Variants in ARFGEF2 observed in about 807,000 individuals in gnomAD.
ARFGEF2 encodes ARF guanine nucleotide exchange factor 2, also known as brefeldin A-inhibited guanine nucleotide-exchange protein 2.
In ARFGEF2, 74 loss-of-function variants were observed where a neutral mutation model predicts 219.9. That is an observed-to-expected ratio of 0.34 (90% CI 0.28 to 0.41). ARFGEF2 has a LOEUF of 0.41. Among genes scored for constraint, ARFGEF2 ranks in the 10% least tolerant of loss-of-function variants. The pLI is 1.00. For missense variants in ARFGEF2, 1,743 were observed against 2,218.3 expected (o/e 0.79, Z 4.30); for synonymous variants, 733 against 799.2 (o/e 0.92, Z 1.40).
At chr20:49,030,477 A>C (rs1181682053) in intron 37 of ARFGEF2, among the ~76,000 whole-genome samples, 1 of 151,986 alleles carries the variant, frequency 6.6e-6, no homozygotes, top group African/African-American at 2.4e-5. Flanking sequence ...AAAAAAAAAA[A>C]AAACTGGAAG....
chr20:48,969,065 A>T (rs1005560211), intron 8 of ARFGEF2, 82 bp from the exon 9 acceptor site: 1 of 1,480,198 alleles, frequency 6.8e-7, no homozygotes, highest in Non-Finnish European at 9.3e-7. Context: ...GGCTCAGTGG[A>T]TCCTCCTGCC....
chr20:48,991,085 C>T lies in ARFGEF2; in HGVS notation c.2860C>T (p.Leu954Phe), dbSNP rs1415147091. The T allele has an allele frequency of 6.2e-7, 1 of 1,614,164 alleles. No individual in the cohort carries two copies. Among genetic ancestry groups the T allele is most frequent in the Admixed American group, 1.7e-5 (1 of 60,000 alleles). Residue 954 changes from leucine (L) to phenylalanine (F), a missense_variant, in exon 21 of 39, where the codon CTC becomes TTC. Transcript: ENST00000371917. Reference sequence around the variant, plus strand: ...TCAGGCTCTTGCTCGCTTCTCCCTACTCACAGCCAGCTCCAGCATCACAGA... The same window carrying T: ...TCAGGCTCTTGCTCGCTTCTCCCTATTCACAGCCAGCTCCAGCATCACAGA... Reference protein sequence around the residue: ...YVQALARFSLLTASSSITEMK... With the variant: ...YVQALARFSLFTASSSITEMK...
chr20:48,959,706 C>T (rs1472151816), intron 6 of ARFGEF2, among the ~76,000 whole-genome samples: 1 of 149,994 alleles, frequency 6.7e-6, no homozygotes, highest in East Asian at 2.0e-4. Flanking sequence ...GCCTCTCAGG[C>T]TCAAGTGATC....
At position 48,976,169 on chromosome 20, in the gene ARFGEF2, A is replaced by G. The variant is rs747100936; in HGVS notation, c.1928A>G (p.Gln643Arg). 2.0e-5 allele frequency: 33 copies of G among 1,614,028 alleles called. No individual in the cohort carries two copies. The highest frequency in any genetic ancestry group is 1.4e-5 in the Non-Finnish European group (16 of 1,180,054). The part of the protein sequence containing the change: ...DPEQFEVIKQ[Q>R]KEIIEHGIEL... ...GAGCAATTTGAGGTCATCAAGCAACAAAAAGAAATCATTGAACACGGCATC... is the reference window on the plus strand; with the variant it reads ...GAGCAATTTGAGGTCATCAAGCAACGAAAAGAAATCATTGAACACGGCATC... Residue 643 changes from glutamine to arginine, a missense_variant, in exon 14 of 39, where the codon CAA (glutamine) becomes CGA (arginine). Gln to Arg is a conservative substitution (Grantham distance 43). Around this residue, in one of 5 missense-constraint regions of ARFGEF2, gnomAD observed 666 missense variants for 955.4 expected, o/e 0.70. Transcript: ENST00000371917.
chr20:49,033,509 A>G lies in ARFGEF2; in HGVS notation c.*310A>G. ...CATCGTTTTCTAGCAAAATCCCATG[A>G]TTGGCTATAAACGTTTTGTAAGAAG... On this transcript the variant is annotated 3_prime_UTR_variant, in exon 39 of 39. Coordinates refer to ENST00000371917, the MANE Select transcript of ARFGEF2 (RefSeq NM_006420.3). 1 of 356,326 alleles carries G rather than the reference A, an allele frequency of 2.8e-6. No homozygotes were observed. Among genetic ancestry groups the G allele is most frequent in the Non-Finnish European group, 5.3e-6 (1 of 187,872 alleles). The allele number at this position is 356,326 out of a possible 1,614,324, so 22.1% of individuals were successfully genotyped here. A position where few individuals can be genotyped will look rare whatever the true frequency, so the allele number is the denominator to read the frequency against.
At chr20:48,941,147 T>G (rs903656897) in intron 1 of ARFGEF2, 52 bp from the exon 2 acceptor site, 2 of 1,553,186 alleles carry the variant, frequency 1.3e-6, no homozygotes, top group Non-Finnish European at 1.8e-6. Flanking sequence ...AAAGTTTTCC[T>G]TTACATAAAT....
chr20:49,030,467 A>C (rs1268272723), intron 37 of ARFGEF2, among the ~76,000 whole-genome samples: 4 of 137,324 alleles, frequency 2.9e-5, no homozygotes, highest in Non-Finnish European at 6.5e-5. Context: ...AAATCTTAGC[A>C]AAAAAAAAAA....
chr20:48,955,751 C>G (rs2091101706), intron 6 of ARFGEF2, among the ~76,000 whole-genome samples: 1 of 152,112 alleles, frequency 6.6e-6, no homozygotes, highest in Admixed American at 6.6e-5. Flanking sequence ...AATAGTGGGT[C>G]AGAACGGAAG....
chr20:48,972,801 C>T (rs1000253159), intron 11 of ARFGEF2, among the ~76,000 whole-genome samples: 1 of 152,266 alleles, frequency 6.6e-6, no homozygotes, highest in African/African-American at 2.4e-5. Flanking sequence ...ATTGTGTGGC[C>T]TCAAAGTAAG....
chr20:48,965,849 T>C (rs1479174799), intron 7 of ARFGEF2, 23 bp from the exon 8 acceptor site: 1 of 1,614,030 alleles, frequency 6.2e-7, no homozygotes. Flanking sequence ...AATTTGGCTA[T>C]GACTTTGTAC....
chr20:48,961,083 T>TATA (rs371551603), intron 6 of ARFGEF2, among the ~76,000 whole-genome samples: 5,794 of 143,978 alleles, frequency 0.04, 174 homozygotes, highest in South Asian at 0.12. Context: ...TGTCTCAAAA[T>TATA]ATAATAATAA....
intron 4 of ARFGEF2, among the ~76,000 whole-genome samples, chr20:48,952,097 G>T (rs2091074454): frequency 6.9e-6 from 1 of 144,774 alleles, no homozygotes; most frequent in African/African-American, 2.5e-5. Flanking sequence ...ATAATTGTCT[G>T]TATTATTCAT....
Position 49,033,116 on chromosome 20 carries a change from T to G in ARFGEF2, c.5275T>G (p.Phe1759Val). ...PELRAVLRKF[F>V]LRIGVVYKIW... The stretch of plus-strand genomic sequence containing the variant: ...GCTCCGAGCAGTTCTGCGGAAGTTC[T>G]TCCTACGGATAGGTGTTGTGTATAA... Residue 1759 changes from phenylalanine (F) to valine (V), a missense_variant, in exon 39 of 39, where the codon TTC becomes GTC. Physicochemically the swap from Phe to Val is conservative, Grantham distance 50 (BLOSUM62 -1). Transcript: ENST00000371917. 1 of 1,614,250 alleles carries G rather than the reference T, an allele frequency of 6.2e-7. No individual in the cohort carries two copies. The highest frequency in any genetic ancestry group is 1.1e-5 in the South Asian group (1 of 91,086).
In ARFGEF2 at chr20:49,010,243, T is replaced by C. The variant is rs999187279; in HGVS notation, c.3596T>C (p.Ile1199Thr). The C allele has an allele frequency of 6.2e-7, 1 of 1,613,944 alleles. No individual in the cohort carries two copies. Residue 1199 changes from isoleucine to threonine, a missense_variant, in exon 27 of 39, where the codon ATC becomes ACC. Ile to Thr is a moderately conservative substitution (Grantham distance 89, BLOSUM62 -1). This residue lies in a region of ARFGEF2 where 102 missense variants were observed against 146.8 expected (regional missense o/e 0.69). Transcript: ENST00000371917. ...CATTCTTTCCTCAGGTCTCCCACCA[T>C]CCGGGACATGGCGATCCGCTGCATT... ...HIMKKNRSPTIRDMAIRCIAQ... is the reference protein window; with the variant it reads ...HIMKKNRSPTTRDMAIRCIAQ...
chr20:48,923,484 A>G (rs1309871313), intron 1 of ARFGEF2, among the ~76,000 whole-genome samples: 1 of 152,192 alleles, frequency 6.6e-6, no homozygotes, highest in Non-Finnish European at 1.5e-5. Flanking sequence ...AGTCTAGATA[A>G]TCTGGAAACA....
At chr20:49,029,371 A>G (rs2091620576) in intron 37 of ARFGEF2, among the ~76,000 whole-genome samples, 1 of 152,226 alleles carries the variant, frequency 6.6e-6, no homozygotes, top group Non-Finnish European at 1.5e-5. Flanking sequence ...GTGAGACTAT[A>G]TACCAGGAGC....
chr20:48,993,201 T>C (rs935410063), intron 21 of ARFGEF2, among the ~76,000 whole-genome samples: 3 of 152,248 alleles, frequency 2.0e-5, no homozygotes, highest in Non-Finnish European at 4.4e-5. Context: ...ATGAGGTTCC[T>C]GCTGCCAGCC....
intron 14 of ARFGEF2, among the ~76,000 whole-genome samples, chr20:48,980,584 T>C (rs553956635): frequency 1.8e-4 from 27 of 152,206 alleles, no homozygotes; most frequent in Non-Finnish European, 1.9e-4. Context: ...CAGTGGGGTG[T>C]TAAAGTCTCC....
intron 3 of ARFGEF2, among the ~76,000 whole-genome samples, chr20:48,947,773 T>C (rs1019859726): frequency 6.6e-6 from 1 of 152,000 alleles, no homozygotes; most frequent in Admixed American, 6.6e-5. Flanking sequence ...GGAGGATCAC[T>C]TGAGCCTGGG....
Sources: allele counts gnomAD v4.1 joint callset (sites outside exome capture counted in the v4.1 genomes callset), GRCh38; gene constraint gnomAD v4.1.1; regional missense constraint gnomAD v4.1.1; transcripts MANE v1.5; gene names NCBI Gene and HGNC (gene_info 2026-07-23, HGNC 2026-07-21).